Variants in IL36B observed in about 807,000 individuals in gnomAD.
IL36B encodes interleukin 36 beta, also known as interleukin-36 beta.
Under a neutral mutation model 19.3 loss-of-function variants are expected in IL36B, and 23 were observed. The observed-to-expected ratio is 1.19, with a 90% CI of 0.86 to 1.69. The LOEUF (loss-of-function observed/expected upper bound fraction) is 1.69, where lower values mean the gene tolerates loss of function less well. Ranked by LOEUF, IL36B falls within the 40% of genes most tolerant of loss-of-function variation. The probability of loss-of-function intolerance (pLI) is 0.00; values close to 1 mark genes in which losing one functional copy is unlikely to be tolerated. For synonymous variants in IL36B, 59 were observed against 59.7 expected (o/e 0.99, Z 0.05); for missense variants, 217 against 200.5 (o/e 1.08, Z -0.50).
intron 5 of IL36B, among the ~76,000 whole-genome samples, chr2:113,025,701 AG>A (rs1684946009): frequency 6.6e-6 from 1 of 152,226 alleles, no homozygotes; most frequent in South Asian, 2.1e-4. Context: ...GAAGGGATTT[AG>A]GATGTTAGTA....
At position 113,048,003 on chromosome 2, in the gene IL36B, C is replaced by T. The variant is rs185718194; in HGVS notation, c.-58+4814G>A. On this transcript the variant is annotated intron_variant, in intron 1 of 5. Transcript: ENST00000259213. ...AGCAAGATGGTAGATATTAATCCAA[C>T]CATATTAATACTCAAATTAAATGTA... Among the ~76,000 whole-genome samples, 172 of 152,170 alleles carry T rather than the reference C, an allele frequency of 1.1e-3. 1 individual carries two copies. The highest frequency in any genetic ancestry group is 3.9e-3 in the African/African-American group (164 of 41,520).
At chr2:113,031,342 G>C (rs1037104172) in intron 2 of IL36B, among the ~76,000 whole-genome samples, 187 bp from the exon 3 acceptor site, 1 of 152,116 alleles carries the variant, frequency 6.6e-6, no homozygotes, top group Admixed American at 6.5e-5. Flanking sequence ...CATTTGAAAG[G>C]ATCTACGTGC....
At chr2:113,028,002 C>A (rs1233958447) in intron 4 of IL36B, 13 of 1,613,968 alleles carry the variant, frequency 8.1e-6, no homozygotes, top group Non-Finnish European at 1.1e-5. Context: ...TGGCTATGAA[C>A]CAGCCAGGGT....
In IL36B at chr2:113,028,994, T is replaced by C; in HGVS notation, c.206A>G (p.Lys69Arg). 6.2e-7 allele frequency: 1 copy of C among 1,614,182 alleles called. No homozygotes were observed. The highest frequency in any genetic ancestry group is 8.5e-7 in the Non-Finnish European group (1 of 1,179,986). The change falls in exon 4 of 6, where the codon AAA becomes AGA. Residue 69 changes from lysine (K) to arginine (R), a missense_variant. Lys to Arg is a conservative substitution (Grantham distance 26, BLOSUM62 2). Transcript: ENST00000259213. ...TTCTGCACAGAAGAGACAGAGATCT[T>C]TTCCCTTGATTCCCAGGTAAACCAT...
chr2:113,031,841 T>C, intron 1 of IL36B, 75 bp from the exon 2 acceptor site: 4 of 736,498 alleles, frequency 5.4e-6, no homozygotes, highest in Non-Finnish European at 9.3e-6. Context: ...CCCTAAAATT[T>C]TACTGTAAAA....
chr2:113,025,033 A>T (rs116041616), intron 5 of IL36B, among the ~76,000 whole-genome samples: 2 of 152,278 alleles, frequency 1.3e-5, no homozygotes, highest in Non-Finnish European at 2.9e-5. Flanking sequence ...GCATAAATAC[A>T]TGTGGGGAAA....
At position 113,042,328 on chromosome 2, in the gene IL36B, T is replaced by TA. The variant is rs1320244234; in HGVS notation, c.-58+10488_-58+10489insT. 7.3e-5 allele frequency among the ~76,000 whole-genome samples: 11 copies of TA among 150,196 alleles called. 1 individual carries two copies. In the East Asian group the frequency reaches 1.2e-3, roughly 16 times the overall value. Reference sequence around the variant, plus strand: ...AGGGTTTGAAAAAAATTTAACTTTATTGAGGAATAATTAGCACACAATAAA... The same window carrying TA: ...AGGGTTTGAAAAAAATTTAACTTTATATGAGGAATAATTAGCACACAATAAA... On this transcript the variant is annotated intron_variant, in intron 1 of 5. Transcript: ENST00000259213.
chr2:113,046,208 C>CTTTTTT (rs1179343491), intron 1 of IL36B, among the ~76,000 whole-genome samples: 3 of 11,188 alleles, frequency 2.7e-4, no homozygotes, highest in Non-Finnish European at 4.4e-4. Flanking sequence ...CAGGTTTTTT[C>CTTTTTT]TTTTTTTTTT....
rs779116016 is a variant in IL36B at position 113,031,143 on chromosome 2, G to A, written c.26C>T (p.Pro9Leu). 2 of 1,613,848 alleles carry A rather than the reference G, an allele frequency of 1.2e-6. No individual in the cohort carries two copies. Among genetic ancestry groups the A allele is most frequent in the Non-Finnish European group, 1.7e-6 (2 of 1,179,708 alleles). ...AGAATCACGAATAGCATAGGATTTG[G>A]GTGCTGCCTCCCCTGCCAGATGACA... Residue 9 changes from proline (P) to leucine (L), a missense_variant, in exon 3 of 6, where the codon CCC (proline) becomes CTC (leucine). Transcript: ENST00000259213.
At chr2:113,031,325 A>G (rs908130261) in intron 2 of IL36B, among the ~76,000 whole-genome samples, 170 bp from the exon 3 acceptor site, 3 of 152,182 alleles carry the variant, frequency 2.0e-5, no homozygotes, top group Non-Finnish European at 4.4e-5. Flanking sequence ...TAGTTTGTGA[A>G]TCAAAGCATT....
chr2:113,033,146 A>G (rs774973844), intron 1 of IL36B, among the ~76,000 whole-genome samples: 1 of 152,224 alleles, frequency 6.6e-6, no homozygotes, highest in Non-Finnish European at 1.5e-5. Flanking sequence ...TCACATTTAT[A>G]TGGTACAAAT....
intron 1 of IL36B, among the ~76,000 whole-genome samples, chr2:113,046,322 G>T (rs548072654): frequency 7.3e-5 from 11 of 150,428 alleles, no homozygotes; most frequent in Middle Eastern, 3.5e-3. Flanking sequence ...CCATTCTCCT[G>T]CTTCAACCTC....
chr2:113,031,701 T>C lies in IL36B; in HGVS notation c.9A>G (p.Pro3=), dbSNP rs1490637900. The C allele has an allele frequency of 5.0e-6, 8 of 1,611,006 alleles. No homozygotes were observed. Among genetic ancestry groups the C allele is most frequent in the African/African-American group, 1.3e-5 (1 of 74,998 alleles). The change falls in exon 2 of 6, where the codon CCA becomes CCG. Residue 3 remains proline, a synonymous_variant. Coordinates refer to ENST00000259213, the MANE Select transcript of IL36B (RefSeq NM_014438.5). Reference sequence around the variant, plus strand: ...GATTTGCAATTCACCACTTACGTTGTGGGTTCATGATGTCTTCAGAGCCTT... The same window carrying C: ...GATTTGCAATTCACCACTTACGTTGCGGGTTCATGATGTCTTCAGAGCCTT...
rs1474010628 is a variant in IL36B, at chr2:113,028,825, C to T, written c.261+114G>A. ...GGGATCAGCCAGGTCAGAATTATTT[C>T]CTTACATTGAATAGTCCAGGGTTGC... On this transcript the variant is annotated intron_variant, in intron 4 of 5. Coordinates refer to ENST00000259213, the MANE Select transcript of IL36B (RefSeq NM_014438.5). 10 of 1,095,624 alleles carry T rather than the reference C, an allele frequency of 9.1e-6. No homozygotes were observed. The South Asian group carries it at 1.8e-4, about 20-fold the overall frequency. The allele number at this position is 1,095,624 out of a possible 1,614,324, so 67.9% of individuals were successfully genotyped here.
chr2:113,051,136 C>T (rs1685437190), intron 1 of IL36B, among the ~76,000 whole-genome samples: 2 of 152,220 alleles, frequency 1.3e-5, no homozygotes, highest in African/African-American at 4.8e-5. Context: ...TGGCCCGGCA[C>T]ACTGAGAGCG....
intron 4 of IL36B, among the ~76,000 whole-genome samples, chr2:113,026,777 C>T (rs1050213728): frequency 2.6e-5 from 4 of 152,132 alleles, no homozygotes; most frequent in Non-Finnish European, 5.9e-5. Context: ...CTTCCAGCAA[C>T]TTTATAAAGT....
intron 1 of IL36B, among the ~76,000 whole-genome samples, chr2:113,035,964 C>A (rs1461926198): frequency 1.3e-5 from 2 of 151,998 alleles, no homozygotes; most frequent in Non-Finnish European, 1.5e-5. Flanking sequence ...TTGTTTTTTT[C>A]TTTTCTTTTG....
intron 1 of IL36B, among the ~76,000 whole-genome samples, chr2:113,045,532 G>C (rs1685334258): frequency 6.6e-6 from 1 of 151,950 alleles, no homozygotes; most frequent in Non-Finnish European, 1.5e-5. Flanking sequence ...GAAAATATTT[G>C]GCTAACATTT....
chr2:113,033,235 T>A (rs1685110802), intron 1 of IL36B, among the ~76,000 whole-genome samples: 1 of 151,496 alleles, frequency 6.6e-6, no homozygotes, highest in Non-Finnish European at 1.5e-5. Flanking sequence ...CTACATTTAC[T>A]TTTTTTTTGG....
Sources: allele counts gnomAD v4.1 joint callset (sites outside exome capture counted in the v4.1 genomes callset), GRCh38; gene constraint gnomAD v4.1.1; transcripts MANE v1.5; gene names NCBI Gene and HGNC (gene_info 2026-07-23, HGNC 2026-07-21).